The following DGKD variants were observed in gnomAD, a reference collection of about 807,000 sequenced individuals.
The protein encoded by DGKD is diacylglycerol kinase delta.
A neutral mutation model predicts 154.4 loss-of-function variants in DGKD; 68 were observed. That is an observed-to-expected ratio of 0.44 (90% CI 0.36 to 0.54). The LOEUF is 0.54. Ranked by LOEUF, DGKD falls within the 20% of genes least tolerant of loss-of-function variation. The pLI, the probability that DGKD is intolerant of heterozygous loss-of-function variation, is 0.00. For missense variants in DGKD, 1,343 were observed against 1,593.6 expected (o/e 0.84, Z 2.68); for synonymous variants, 693 against 638.0 (o/e 1.09, Z -1.30).
At chr2:233,371,577 G>A (rs1297985212) in intron 1 of DGKD, among the ~76,000 whole-genome samples, 2 of 152,178 alleles carry the variant, frequency 1.3e-5, no homozygotes, top group Non-Finnish European at 2.9e-5. Context: ...TGTTGCTCGT[G>A]CTTTTGGTGT....
At position 233,459,683 on chromosome 2, in the gene DGKD, G is replaced by T; in HGVS notation, c.2695-74G>T. ...CGGGTGTGTGGAGCAGGAAGGTCAT[G>T]GTGGTGCTGATAGCACTTTTAAACC... On this transcript the variant is annotated intron_variant, in intron 22 of 29. Transcript: ENST00000264057. This position sits in a 1 kb window ranked among gnomAD's most constrained non-coding sequence, Gnocchi z 5.7. 1 of 1,561,040 alleles carries T rather than the reference G, an allele frequency of 6.4e-7. No homozygotes were observed. Among genetic ancestry groups the T allele is most frequent in the Non-Finnish European group, 8.7e-7 (1 of 1,151,274 alleles).
intron 6 of DGKD, 44 bp downstream of exon 6, chr2:233,435,968 C>G: frequency 6.5e-7 from 1 of 1,544,222 alleles, no homozygotes; most frequent in Non-Finnish European, 8.8e-7. Context: ...GCCAGGGTCC[C>G]CCACCTGCAC....
Position 233,415,123 on chromosome 2 carries a change from A to G in DGKD, c.349-19257A>G, listed in dbSNP as rs1432719120. ...GTCCCTGCTGGCCTAGTTCTTTGCC[A>G]AGAGCAAAACTTGAGAGCACCCTCA... On this transcript the variant is annotated intron_variant, in intron 3 of 29. Transcript: ENST00000264057. Among the ~76,000 whole-genome samples, 3 of 152,214 alleles carry G rather than the reference A, an allele frequency of 2.0e-5. No individual in the cohort carries two copies. The East Asian group carries it at 5.8e-4, about 29-fold the overall frequency.
chr2:233,427,851 A>G (rs2062364485), intron 3 of DGKD, among the ~76,000 whole-genome samples: 1 of 152,226 alleles, frequency 6.6e-6, no homozygotes, highest in African/African-American at 2.4e-5. Flanking sequence ...CAGTCCAGAC[A>G]TAGGGATGCT....
chr2:233,358,023 T>G (rs748724418), intron 1 of DGKD, among the ~76,000 whole-genome samples: 28 of 152,262 alleles, frequency 1.8e-4, no homozygotes, highest in Admixed American at 1.2e-3. Context: ...TGGCCATTTA[T>G]CAGTTTAGCA....
intron 3 of DGKD, among the ~76,000 whole-genome samples, chr2:233,431,053 G>A (rs1298603709): frequency 1.3e-5 from 2 of 152,184 alleles, no homozygotes; most frequent in African/African-American, 4.8e-5. Context: ...CTTGTTTGCA[G>A]ATGATGTGAT....
intron 1 of DGKD, among the ~76,000 whole-genome samples, chr2:233,385,670 G>GC (rs1489125557): frequency 6.6e-6 from 1 of 152,192 alleles, no homozygotes; most frequent in African/African-American, 2.4e-5. Flanking sequence ...TCCTGTGGGT[G>GC]CCTTTCACAG....
At chr2:233,450,188 G>T in intron 16 of DGKD, 57 bp downstream of exon 16, 7 of 1,521,034 alleles carry the variant, frequency 4.6e-6, no homozygotes, top group Non-Finnish European at 6.2e-6. Flanking sequence ...TTGGTGAGAC[G>T]TAGCGGGCTT....
intron 7 of DGKD, among the ~76,000 whole-genome samples, chr2:233,436,750 C>T (rs189414480): frequency 9.2e-4 from 140 of 152,382 alleles, no homozygotes; most frequent in African/African-American, 3.1e-3. Flanking sequence ...TTGAGCTGGC[C>T]GCCTCTGTGG....
intron 17 of DGKD, 51 bp from the exon 18 acceptor site, chr2:233,451,913 A>G: frequency 6.7e-7 from 1 of 1,488,660 alleles, no homozygotes; most frequent in Non-Finnish European, 9.4e-7. Context: ...AGCTTCTCCT[A>G]AGGCTGTAGC....
intron 3 of DGKD, among the ~76,000 whole-genome samples, chr2:233,406,906 G>A (rs951973699): frequency 6.6e-6 from 1 of 152,148 alleles, no homozygotes; most frequent in Non-Finnish European, 1.5e-5. Context: ...GCAGAGAGAA[G>A]GGTGATTTTT....
chr2:233,389,346 T>C (rs1351760183), intron 2 of DGKD, among the ~76,000 whole-genome samples: 1 of 152,226 alleles, frequency 6.6e-6, no homozygotes, highest in Non-Finnish European at 1.5e-5. Flanking sequence ...TACTGCCATG[T>C]TTAAGCGGAT....
rs1047797173 is a variant in DGKD, at chr2:233,452,404, A to G, written c.2264+344A>G. Among the ~76,000 whole-genome samples the G allele has an allele frequency of 6.6e-6, 1 of 152,066 alleles. No homozygotes were observed. Among genetic ancestry groups the G allele is most frequent in the Non-Finnish European group, 1.5e-5 (1 of 68,026 alleles). On this transcript the variant is annotated intron_variant, in intron 18 of 29. Coordinates refer to ENST00000264057, the MANE Select transcript of DGKD (RefSeq NM_152879.3). This position sits in a 1 kb window ranked among gnomAD's most constrained non-coding sequence, Gnocchi z 4.0. ...TGCTGCTCTTCGTGGTCACTCTCCCATGATCTTGGCTGGACCTCACTGACT... is the reference window on the plus strand; with the variant it reads ...TGCTGCTCTTCGTGGTCACTCTCCCGTGATCTTGGCTGGACCTCACTGACT...
chr2:233,397,024 G>GCGCCAGAGTGAGAGGACTCCAGA (rs1324319573), intron 3 of DGKD, among the ~76,000 whole-genome samples: 1,003 of 18,978 alleles, frequency 0.053, 343 homozygotes, highest in Non-Finnish European at 0.066. Context: ...GCTGGGGGGG[G>GCGCCAGAGTGAGAGGACTCCAGA]GGGCGCCAGA....
chr2:233,468,329 G>C, intron 28 of DGKD, 94 bp from the exon 29 acceptor site: 1 of 1,508,142 alleles, frequency 6.6e-7, no homozygotes, highest in Non-Finnish European at 9.0e-7. Context: ...CTCCTGTCCT[G>C]GCACTGGGCT....
At chr2:233,464,546 T>C (rs1441991098) in intron 27 of DGKD, among the ~76,000 whole-genome samples, 1 of 152,212 alleles carries the variant, frequency 6.6e-6, no homozygotes, top group Non-Finnish European at 1.5e-5. Context: ...ACTGCAGGGC[T>C]TCCTGGACAG....
intron 27 of DGKD, among the ~76,000 whole-genome samples, 162 bp from the exon 28 acceptor site, chr2:233,466,924 C>T (rs1023806953): frequency 1.1e-4 from 17 of 152,216 alleles, no homozygotes; most frequent in African/African-American, 3.1e-4. Context: ...ACACTAAATA[C>T]AAGAATCAAT....
rs760848357 is a variant in DGKD at position 233,434,810 on chromosome 2, T to C, written c.495T>C (p.Asn165=). ...YSMDHFSGMH[N]WYACSHARPT... ...TGGACCACTTCTCAGGGATGCACAA[T>C]TGGTACGCCTGTTCCCACGCGAGGC... Residue 165 remains asparagine, a synonymous_variant, in exon 5 of 30, where the codon AAT becomes AAC. Coordinates refer to ENST00000264057, the MANE Select transcript of DGKD (RefSeq NM_152879.3). The C allele has an allele frequency of 2.5e-6, 4 of 1,614,114 alleles. No homozygotes were observed. The highest frequency in any genetic ancestry group is 3.4e-6 in the Non-Finnish European group (4 of 1,180,036).
intron 19 of DGKD, among the ~76,000 whole-genome samples, chr2:233,456,609 G>GT (rs1489522575): frequency 1.3e-5 from 2 of 152,112 alleles, no homozygotes; most frequent in South Asian, 2.1e-4. Context: ...ATGTGTAGAA[G>GT]TTTTTTTATA....
Sources: allele counts gnomAD v4.1 joint callset (sites outside exome capture counted in the v4.1 genomes callset), GRCh38; gene constraint gnomAD v4.1.1; non-coding constraint Gnocchi (gnomAD v3.1); transcripts MANE v1.5; gene names NCBI Gene and HGNC (gene_info 2026-07-23, HGNC 2026-07-21).